Variants in NAALADL2 observed in about 807,000 individuals in gnomAD.
The protein encoded by NAALADL2 is inactive N-acetylated-alpha-linked acidic dipeptidase-like protein 2.
In NAALADL2, 76 loss-of-function variants were observed where a neutral mutation model predicts 87.2. That is an observed-to-expected ratio of 0.87 (90% CI 0.72 to 1.05). The LOEUF is 1.05. NAALADL2 is among the 50% of genes least tolerant of loss of function. The pLI, the probability that NAALADL2 is intolerant of heterozygous loss-of-function variation, is 0.00. For missense variants in NAALADL2, 1,089 were observed against 945.8 expected (o/e 1.15, Z -1.99); for synonymous variants, 354 against 331.0 (o/e 1.07, Z -0.75).
intron 1 of NAALADL2, among the ~76,000 whole-genome samples, chr3:175,087,395 C>T (rs578226767): frequency 3.9e-5 from 6 of 152,266 alleles, no homozygotes; most frequent in Non-Finnish European, 7.4e-5. Flanking sequence ...GCCGCCACCC[C>T]GTCTGGGAGG....
Position 175,444,490 on chromosome 3 carries a change from G to A in NAALADL2, c.1091-2739G>A, listed in dbSNP as rs140575013. Among the ~76,000 whole-genome samples, 4 of 152,124 alleles carry A rather than the reference G, an allele frequency of 2.6e-5. No homozygotes were observed. In the South Asian group the frequency reaches 8.3e-4, roughly 31 times the overall value. On this transcript the variant is annotated intron_variant, in intron 5 of 13. Coordinates refer to ENST00000454872, the MANE Select transcript of NAALADL2 (RefSeq NM_207015.3). ...AATCCCCTTTGGTTTACCTCAGTAG[G>A]TTGTACAACTATTAGCATTCTTCTA...
chr3:174,942,598 G>A (rs1456207868), intron 1 of NAALADL2, among the ~76,000 whole-genome samples: 2 of 152,066 alleles, frequency 1.3e-5, no homozygotes, highest in African/African-American at 4.8e-5. Flanking sequence ...GGCTGGAGAC[G>A]TTTTCATGAA....
chr3:174,745,547 CA>C (rs1008112734), intron 3 of NAALADL2, among the ~76,000 whole-genome samples: 5 of 152,102 alleles, frequency 3.3e-5, no homozygotes, highest in Admixed American at 6.5e-5. Flanking sequence ...GAAACTATTC[CA>C]AACAATTGAA....
chr3:174,682,536 C>T (rs768422019), intron 2 of NAALADL2, among the ~76,000 whole-genome samples: 2 of 152,218 alleles, frequency 1.3e-5, no homozygotes, highest in African/African-American at 2.4e-5. Flanking sequence ...CCTCCCCCAA[C>T]TCCAGGCATC....
At chr3:174,985,490 C>G (rs1349546881) in intron 1 of NAALADL2, among the ~76,000 whole-genome samples, 1 of 152,154 alleles carries the variant, frequency 6.6e-6, no homozygotes, top group Non-Finnish European at 1.5e-5. Flanking sequence ...TCCCTGGAAT[C>G]TTGGAAACAA....
chr3:175,730,745 T>G (rs1743634141), intron 11 of NAALADL2, among the ~76,000 whole-genome samples: 1 of 151,970 alleles, frequency 6.6e-6, no homozygotes, highest in Non-Finnish European at 1.5e-5. Flanking sequence ...TTTTAGTTCT[T>G]TACAGTTTTT....
chr3:174,947,230 T>A (rs550463024), intron 1 of NAALADL2, among the ~76,000 whole-genome samples: 1 of 152,316 alleles, frequency 6.6e-6, no homozygotes, highest in South Asian at 2.1e-4. Context: ...CTCTCAGCAT[T>A]GTCTTCTTTC....
intron 1 of NAALADL2, among the ~76,000 whole-genome samples, chr3:174,951,895 T>C (rs868332120): frequency 7.9e-5 from 12 of 152,130 alleles, no homozygotes; most frequent in African/African-American, 2.7e-4. Context: ...TCTGTTATTA[T>C]TCCCCTATAT....
chr3:174,562,052 T>G (rs905840452), intron 2 of NAALADL2, among the ~76,000 whole-genome samples: 1 of 152,168 alleles, frequency 6.6e-6, no homozygotes, highest in Non-Finnish European at 1.5e-5. Context: ...ACTAAATTAT[T>G]TTTAAAAGAT....
chr3:175,258,459 TAGAG>T (rs538823470), intron 4 of NAALADL2, among the ~76,000 whole-genome samples: 286 of 151,926 alleles, frequency 1.9e-3, no homozygotes, highest in African/African-American at 6.6e-3. Flanking sequence ...CATCAATAGA[TAGAG>T]AGATAATTAA....
At chr3:174,907,326 C>A (rs900411370) in intron 1 of NAALADL2, among the ~76,000 whole-genome samples, 1 of 152,068 alleles carries the variant, frequency 6.6e-6, no homozygotes, top group Non-Finnish European at 1.5e-5. Flanking sequence ...GTTGCTTGAA[C>A]TGAGATCTGA....
At chr3:174,828,816 A>G (rs1347585354) in intron 3 of NAALADL2, among the ~76,000 whole-genome samples, 1 of 152,202 alleles carries the variant, frequency 6.6e-6, no homozygotes, top group Non-Finnish European at 1.5e-5. Flanking sequence ...AGTTGGAGCT[A>G]CATGTATAAT....
intron 1 of NAALADL2, among the ~76,000 whole-genome samples, chr3:174,520,930 T>A (rs1720238368): frequency 6.6e-6 from 1 of 151,970 alleles, no homozygotes; most frequent in African/African-American, 2.4e-5. Flanking sequence ...ACATTAGTAA[T>A]CATCAAAGAA....
chr3:174,884,719 C>T (rs1177515561), intron 1 of NAALADL2, among the ~76,000 whole-genome samples: 2 of 152,164 alleles, frequency 1.3e-5, no homozygotes, highest in Non-Finnish European at 2.9e-5. Flanking sequence ...CAACCATTAT[C>T]CCACACCCTT....
In NAALADL2 at chr3:174,582,719, T is replaced by C. The variant is rs918865089; in HGVS notation, c.-115+32082T>C. 4.6e-5 allele frequency among the ~76,000 whole-genome samples: 7 copies of C among 152,154 alleles called. No individual in the cohort carries two copies. The East Asian group carries it at 1.4e-3, about 30-fold the overall frequency. ...GCCTCAGCCTCCCGAGTAGCTGGGA[T>C]TACAGGCACACGCCACCATGCCTGA... On this transcript the variant is annotated intron_variant, in intron 2 of 3. Coordinates refer to the NAALADL2 transcript ENST00000434257.
intron 9 of NAALADL2, among the ~76,000 whole-genome samples, chr3:175,477,738 A>G (rs1217831816): frequency 2.6e-5 from 4 of 152,188 alleles, no homozygotes; most frequent in Admixed American, 2.6e-4. Flanking sequence ...TGAGATGAAC[A>G]GTCCATGTGT....
At chr3:175,525,843 C>G (rs1043874396) in intron 9 of NAALADL2, among the ~76,000 whole-genome samples, 3 of 151,978 alleles carry the variant, frequency 2.0e-5, no homozygotes, top group African/African-American at 4.8e-5. Context: ...TAATCATGTA[C>G]TTTTATGGCA....
At chr3:174,461,593 C>A (rs1716218686) in intron 1 of NAALADL2, among the ~76,000 whole-genome samples, 1 of 152,000 alleles carries the variant, frequency 6.6e-6, no homozygotes, top group Non-Finnish European at 1.5e-5. Context: ...TGAAAACTTT[C>A]CTTTTGTCAA....
chr3:175,329,988 A>C (rs1200113808), intron 5 of NAALADL2, among the ~76,000 whole-genome samples: 1 of 152,198 alleles, frequency 6.6e-6, no homozygotes, highest in Non-Finnish European at 1.5e-5. Flanking sequence ...TTCATAAAAA[A>C]TCAGTGTACC....
Sources: allele counts gnomAD v4.1 joint callset (sites outside exome capture counted in the v4.1 genomes callset), GRCh38; gene constraint gnomAD v4.1.1; transcripts MANE v1.5; gene names NCBI Gene and HGNC (gene_info 2026-07-23, HGNC 2026-07-21).